The following NIM1K variants were observed in gnomAD, a reference collection of about 807,000 sequenced individuals.
The protein encoded by NIM1K is serine/threonine-protein kinase NIM1.
In NIM1K, 35 loss-of-function variants were observed where a neutral mutation model predicts 37.1. That is an observed-to-expected ratio of 0.94 (90% confidence interval 0.72 to 1.25). The LOEUF (loss-of-function observed/expected upper bound fraction) is 1.25, where lower values mean the gene tolerates loss of function less well. Ranked by LOEUF, NIM1K falls within the 50% of genes most tolerant of loss-of-function variation. The pLI is 0.00. For missense variants in NIM1K, 564 were observed against 548.0 expected, an observed-to-expected ratio of 1.03 and a Z score of -0.29; for synonymous variants, 234 against 206.6, an observed-to-expected ratio of 1.13 and a Z score of -1.14.
intron 1 of NIM1K, among the ~76,000 whole-genome samples, chr5:43,219,371 C>T (rs1217878882): frequency 6.6e-6 from 1 of 152,074 alleles, no homozygotes; most frequent in African/African-American, 2.4e-5. Flanking sequence ...TGAGAAAGGA[C>T]TAATACAAGG....
chr5:43,232,932 A>C lies in NIM1K; in HGVS notation c.-694-12150A>C. ...GGTGGAAGAGCTGGTTGTAGGTGCC[A>C]GTGCAAACTTCATCATCAATTACCA... is the stretch of plus-strand genomic sequence containing the variant. On this transcript the variant is annotated intron_variant, in intron 1 of 3. Coordinates refer to ENST00000326035, the MANE Select transcript of NIM1K (RefSeq NM_153361.4). 3 of 1,152,192 alleles carry C rather than the reference A, an allele frequency of 2.6e-6. No individual in the cohort carries two copies. In the South Asian group the frequency reaches 3.7e-5, roughly 14 times the overall value. The allele number at this position is 1,152,192 out of a possible 1,614,324, so 71.4% of individuals were successfully genotyped here.
chr5:43,266,523 A>T (rs1753164306), intron 2 of NIM1K, among the ~76,000 whole-genome samples: 1 of 152,064 alleles, frequency 6.6e-6, no homozygotes, highest in East Asian at 1.9e-4. Flanking sequence ...TTCTGTCATC[A>T]CTTCCCTTGG....
At chr5:43,256,157 T>A (rs1243810996) in intron 2 of NIM1K, among the ~76,000 whole-genome samples, 2 of 152,108 alleles carry the variant, frequency 1.3e-5, no homozygotes, top group East Asian at 3.9e-4. Context: ...GGGAGTGACA[T>A]GATCTGGCTT....
intron 2 of NIM1K, among the ~76,000 whole-genome samples, chr5:43,267,896 TGTGCTGA>T (rs1213413632): frequency 3.9e-5 from 6 of 152,242 alleles, no homozygotes; most frequent in Admixed American, 3.3e-4. Flanking sequence ...ATATATTCCA[TGTGCTGA>T]TGAGAAGAAA....
At chr5:43,212,624 A>C (rs1000617469) in intron 1 of NIM1K, among the ~76,000 whole-genome samples, 7 of 152,096 alleles carry the variant, frequency 4.6e-5, no homozygotes, top group Admixed American at 6.6e-5. Context: ...CTGTGTACAA[A>C]GATAACTCAG....
chr5:43,241,734 A>G (rs1332285162), intron 1 of NIM1K, among the ~76,000 whole-genome samples: 9 of 151,958 alleles, frequency 5.9e-5, no homozygotes, highest in Non-Finnish European at 8.8e-5. Context: ...AGTTTTCCCT[A>G]TCAGGTTATC....
Position 43,245,840 on chromosome 5 carries a change from G to T in NIM1K, c.65G>T (p.Arg22Leu). 6.2e-7 allele frequency: 1 copy of T among 1,613,990 alleles called. No individual in the cohort carries two copies. Among genetic ancestry groups the T allele is most frequent in the Non-Finnish European group, 8.5e-7 (1 of 1,179,948 alleles). ...VNPHYARWDR[R>L]DSVESGCQTE... The stretch of plus-strand genomic sequence containing the variant: ...CCCCACTATGCCCGGTGGGATCGGC[G>T]CGACAGTGTAGAAAGTGGCTGTCAG... Residue 22 changes from arginine to leucine, a missense_variant, in exon 2 of 4, where the codon CGC (arginine) becomes CTC (leucine). By Grantham distance (102) the Arg-to-Leu change is moderately radical. Transcript: ENST00000326035.
At chr5:43,264,070 T>G (rs1753080794) in intron 2 of NIM1K, among the ~76,000 whole-genome samples, 1 of 152,332 alleles carries the variant, frequency 6.6e-6, no homozygotes, top group South Asian at 2.1e-4. Context: ...ATAAGTGTGA[T>G]GTAGTGCTGA....
intron 1 of NIM1K, chr5:43,225,797 C>A (rs1333911995): frequency 6.5e-6 from 1 of 153,244 alleles, no homozygotes; most frequent in Non-Finnish European, 1.5e-5. Flanking sequence ...ATAGTATTTG[C>A]TTCCTTATTT....
At chr5:43,243,120 A>G (rs1349889049) in intron 1 of NIM1K, among the ~76,000 whole-genome samples, 1 of 152,188 alleles carries the variant, frequency 6.6e-6, no homozygotes, top group Non-Finnish European at 1.5e-5. Flanking sequence ...GTGCTGATGT[A>G]GTTGTGGCCC....
intron 1 of NIM1K, among the ~76,000 whole-genome samples, chr5:43,213,212 T>C (rs1246915592): frequency 3.1e-5 from 2 of 64,582 alleles, no homozygotes; most frequent in African/African-American, 4.4e-5. Flanking sequence ...TTTCTTTCTT[T>C]CTTTCTTTCT....
chr5:43,255,533 G>A (rs1376859571), intron 2 of NIM1K, among the ~76,000 whole-genome samples: 3 of 152,162 alleles, frequency 2.0e-5, no homozygotes, highest in African/African-American at 7.2e-5. Flanking sequence ...GGTGGATTAT[G>A]AGATCAAGAG....
chr5:43,237,983 G>A (rs1026421220), intron 1 of NIM1K, among the ~76,000 whole-genome samples: 1 of 150,210 alleles, frequency 6.7e-6, no homozygotes, highest in African/African-American at 2.4e-5. Context: ...CCCAGTTTTC[G>A]TGTCTTCTAT....
chr5:43,280,533 G>A lies in NIM1K; in HGVS notation c.1115G>A (p.Arg372Gln). Reference protein sequence around the residue: ...EHLGITEEHIRNNQGRDARSS... With the variant: ...EHLGITEEHIQNNQGRDARSS... ...TTGGGCATTACAGAAGAGCATATTC[G>A]AAATAACCAAGGGAGAGATGCTCGC... The change falls in exon 4 of 4, where the codon CGA (arginine) becomes CAA (glutamine). Residue 372 changes from arginine (R) to glutamine (Q), a missense_variant. Arg to Gln is a conservative substitution (Grantham distance 43). Transcript: ENST00000326035. 1 of 1,614,152 alleles carries A rather than the reference G, an allele frequency of 6.2e-7. No individual in the cohort carries two copies. Among genetic ancestry groups the A allele is most frequent in the Admixed American group, 1.7e-5 (1 of 60,024 alleles).
chr5:43,215,478 AGGCTGGAGTGTAGT>A (rs1192828115), intron 1 of NIM1K, among the ~76,000 whole-genome samples: 2 of 152,196 alleles, frequency 1.3e-5, no homozygotes. Context: ...TCTGTTGCCC[AGGCTGGAGTGTAGT>A]GGCGCAATCT....
intron 1 of NIM1K, among the ~76,000 whole-genome samples, chr5:43,202,274 C>T (rs1052285289): frequency 2.6e-5 from 4 of 152,080 alleles, no homozygotes; most frequent in African/African-American, 9.7e-5. Context: ...GCCTCAAACC[C>T]CTGGGCTCAA....
intron 2 of NIM1K, among the ~76,000 whole-genome samples, chr5:43,265,863 A>C (rs1753143416): frequency 6.6e-6 from 1 of 152,228 alleles, no homozygotes; most frequent in Admixed American, 6.5e-5. Flanking sequence ...CCTCAGCTGC[A>C]GGTCTGTTGG....
intron 1 of NIM1K, among the ~76,000 whole-genome samples, chr5:43,228,661 CA>C (rs542810989): frequency 0.16 from 21,909 of 141,002 alleles, 1,872 homozygotes; most frequent in Middle Eastern, 0.23. Context: ...CCTGTCTCTA[CA>C]AAAAAAAAAA....
At chr5:43,206,657 C>A in intron 1 of NIM1K, 1 of 684,938 alleles carries the variant, frequency 1.5e-6, no homozygotes, top group Non-Finnish European at 2.7e-6. Context: ...CTGACTCGGC[C>A]CCCCAGTCTC....
Sources: gnomAD v4.1 joint callset for allele counts (sites outside exome capture counted in the v4.1 genomes callset) on GRCh38, gnomAD v4.1.1 for gene constraint, MANE v1.5 for transcripts, NCBI Gene and HGNC (gene_info 2026-07-23, HGNC 2026-07-21) for gene names.